Variants in ZNF148 observed in about 807,000 individuals in gnomAD.
ZNF148 encodes the protein zinc finger protein 148.
A neutral mutation model predicts 67.7 loss-of-function variants in ZNF148; 7 were observed. The ratio of observed to expected loss-of-function variants is 0.10; its 90% CI spans 0.06 to 0.19. The LOEUF is 0.19. Among genes scored for constraint, ZNF148 ranks in the 10% least tolerant of loss-of-function variants. The pLI, the probability that ZNF148 is intolerant of heterozygous loss-of-function variation, is 1.00. For synonymous variants in ZNF148, 333 were observed against 330.7 expected (o/e 1.01, Z -0.08); for missense variants, 583 against 947.1 (o/e 0.62, Z 5.05).
intron 7 of ZNF148, among the ~76,000 whole-genome samples, chr3:125,273,829 T>C (rs1445526405): frequency 6.6e-6 from 1 of 152,106 alleles, no homozygotes; most frequent in Non-Finnish European, 1.5e-5. Context: ...CTTCGTAACA[T>C]TTTTACTAAT....
chr3:125,309,498 C>A (rs1940081077), intron 4 of ZNF148, among the ~76,000 whole-genome samples: 1 of 151,544 alleles, frequency 6.6e-6, no homozygotes, highest in Non-Finnish European at 1.5e-5. Context: ...ACGACATGAA[C>A]AAAAGTAACA....
chr3:125,370,081 AAC>A, intron 1 of ZNF148, among the ~76,000 whole-genome samples: 1 of 152,304 alleles, frequency 6.6e-6, no homozygotes, highest in Non-Finnish European at 1.5e-5. Context: ...ACAGTCCTAA[AAC>A]AGTCATTTAT....
intron 7 of ZNF148, among the ~76,000 whole-genome samples, chr3:125,238,640 C>T (rs191498841): frequency 7.9e-5 from 12 of 152,134 alleles, no homozygotes; most frequent in African/African-American, 1.4e-4. Context: ...GGAAAAAAAA[C>T]GCACACACAA....
At chr3:125,258,445 A>AAAG (rs869187911) in intron 7 of ZNF148, among the ~76,000 whole-genome samples, 90 of 144,872 alleles carry the variant, frequency 6.2e-4, no homozygotes, top group Middle Eastern at 3.6e-3. Flanking sequence ...AAAAAAAAAA[A>AAAG]GGGGGATAGC....
chr3:125,310,241 G>A (rs917607402), intron 4 of ZNF148, among the ~76,000 whole-genome samples: 4 of 151,832 alleles, frequency 2.6e-5, no homozygotes, highest in Admixed American at 6.6e-5. Flanking sequence ...CACCATGCCC[G>A]GCTAATTTTT....
chr3:125,349,126 A>G (rs1942049639), intron 1 of ZNF148, among the ~76,000 whole-genome samples: 1 of 152,224 alleles, frequency 6.6e-6, no homozygotes, highest in Non-Finnish European at 1.5e-5. Context: ...TGAAACTGTA[A>G]AACTCCTAGA....
chr3:125,326,674 T>C (rs1053393514), intron 2 of ZNF148, among the ~76,000 whole-genome samples: 9 of 147,038 alleles, frequency 6.1e-5, no homozygotes, highest in African/African-American at 2.0e-4. Context: ...TATATGAGTA[T>C]ATATATATAT....
At chr3:125,312,097 C>T (rs1232723127) in intron 4 of ZNF148, among the ~76,000 whole-genome samples, 1 of 152,112 alleles carries the variant, frequency 6.6e-6, no homozygotes, top group Non-Finnish European at 1.5e-5. Context: ...TCTATGAGAC[C>T]AGCATTACCC....
chr3:125,308,344 A>G (rs568257496), intron 4 of ZNF148, among the ~76,000 whole-genome samples: 1 of 152,276 alleles, frequency 6.6e-6, no homozygotes, highest in African/African-American at 2.4e-5. Flanking sequence ...AAATTAACAA[A>G]ATGTGCCCAA....
At chr3:125,253,149 T>C (rs144779277) in intron 7 of ZNF148, among the ~76,000 whole-genome samples, 3 of 152,370 alleles carry the variant, frequency 2.0e-5, no homozygotes, top group Non-Finnish European at 4.4e-5. Flanking sequence ...GAATACATTA[T>C]ATCATTCCAT....
chr3:125,328,008 T>C (rs911904795), intron 2 of ZNF148, among the ~76,000 whole-genome samples: 1 of 152,118 alleles, frequency 6.6e-6, no homozygotes, highest in Admixed American at 6.5e-5. Context: ...TTTATCTTTG[T>C]AGTTGTCATT....
intron 4 of ZNF148, among the ~76,000 whole-genome samples, chr3:125,301,627 T>A (rs1256518118): frequency 6.6e-6 from 1 of 152,120 alleles, no homozygotes; most frequent in African/African-American, 2.4e-5. Context: ...AAGAAGAAAA[T>A]CATTAACATG....
chr3:125,276,519 C>T (rs181837721), intron 7 of ZNF148, among the ~76,000 whole-genome samples: 64 of 152,136 alleles, frequency 4.2e-4, no homozygotes, highest in African/African-American at 1.4e-3. Flanking sequence ...CCGCAACCTC[C>T]GCCTCCCGGG....
chr3:125,268,688 A>C (rs538386981), intron 7 of ZNF148, among the ~76,000 whole-genome samples: 1 of 152,340 alleles, frequency 6.6e-6, no homozygotes, highest in South Asian at 2.1e-4. Context: ...AACAACAATG[A>C]AAACTGACAG....
rs1400857216 is a variant in ZNF148, at chr3:125,233,869, T to C, written c.857A>G (p.Asn286Ser). 1 of 1,612,958 alleles carries C rather than the reference T, an allele frequency of 6.2e-7. No homozygotes were observed. Among genetic ancestry groups the C allele is most frequent in the Admixed American group, 1.7e-5 (1 of 59,874 alleles). ...AAGGCCACCTTTGATGGCACATCTA[T>C]TTAGTTTTTTGTCATGATTTTCATG... ...MCHENHDKKL[N>S]RCAIKGGLLT... The change falls in exon 9 of 9, where the codon AAT becomes AGT. Residue 286 changes from asparagine (N) to serine (S), a missense_variant. By Grantham distance (46) the Asn-to-Ser change is conservative. Coordinates refer to ENST00000360647, the MANE Select transcript of ZNF148 (RefSeq NM_021964.3). This position sits in a 1 kb window ranked among gnomAD's most constrained non-coding sequence, Gnocchi z 5.1.
chr3:125,314,337 AT>A (rs1220560891), intron 3 of ZNF148, among the ~76,000 whole-genome samples: 2 of 152,214 alleles, frequency 1.3e-5, no homozygotes, highest in Non-Finnish European at 2.9e-5. Flanking sequence ...ACATTTTGGA[AT>A]TTATCTTGAT....
chr3:125,342,506 C>T (rs938330994), intron 1 of ZNF148, among the ~76,000 whole-genome samples: 2 of 151,778 alleles, frequency 1.3e-5, no homozygotes, highest in African/African-American at 2.4e-5. Context: ...AAAAATGCAA[C>T]TGCCAACTGG....
Position 125,231,342 on chromosome 3 carries a change from G to A in ZNF148, c.*999C>T, listed in dbSNP as rs1050793109. The A allele has an allele frequency of 6.6e-6, 1 of 152,268 alleles. No individual in the cohort carries two copies. Among genetic ancestry groups the A allele is most frequent in the African/African-American group, 2.4e-5 (1 of 41,342 alleles). The allele number at this position is 152,268 out of a possible 1,614,324, so 9.4% of individuals were successfully genotyped here. Reference sequence around the variant, plus strand: ...AAATTGTCAATTACGAGATGATTATGACACAACCATATCAAACCTAAAAAT... The same window carrying A: ...AAATTGTCAATTACGAGATGATTATAACACAACCATATCAAACCTAAAAAT... On this transcript the variant is annotated 3_prime_UTR_variant, in exon 9 of 9. Transcript: ENST00000360647.
chr3:125,319,578 A>C (rs1235644004), intron 3 of ZNF148, among the ~76,000 whole-genome samples: 1 of 152,228 alleles, frequency 6.6e-6, no homozygotes, highest in African/African-American at 2.4e-5. Flanking sequence ...AGGTCTTTCC[A>C]AATTAATATG....
Sources: allele counts gnomAD v4.1 joint callset (sites outside exome capture counted in the v4.1 genomes callset), GRCh38; gene constraint gnomAD v4.1.1; non-coding constraint Gnocchi (gnomAD v3.1); transcripts MANE v1.5; gene names NCBI Gene and HGNC (gene_info 2026-07-23, HGNC 2026-07-21).